Variants in HERC2 observed in about 807,000 individuals in gnomAD.
The protein encoded by HERC2 is HECT and RLD domain containing E3 ubiquitin protein ligase 2, also known as E3 ubiquitin-protein ligase HERC2.
A neutral mutation model predicts 537.7 loss-of-function variants in HERC2; 102 were observed. The observed-to-expected ratio is 0.19, with a 90% CI of 0.16 to 0.22. HERC2 has a LOEUF of 0.22. Ranked by LOEUF, HERC2 falls within the 10% of genes least tolerant of loss-of-function variation. HERC2 has a pLI of 1.00. For missense variants in HERC2, 4,236 were observed against 6,198.2 expected (o/e 0.68, Z 10.63); for synonymous variants, 2,224 against 2,466.2 (o/e 0.90, Z 2.91).
At chr15:28,292,249 A>C (rs1391543716) in intron 4 of HERC2, among the ~76,000 whole-genome samples, 1 of 151,754 alleles carries the variant, frequency 6.6e-6, no homozygotes, top group East Asian at 1.9e-4. Flanking sequence ...AAAAAAAAAA[A>C]AAAACCAGGC....
chr15:28,271,956 G>T, intron 9 of HERC2: 1 of 499,856 alleles, frequency 2.0e-6, no homozygotes, highest in Middle Eastern at 5.1e-4. Context: ...CGCTATTTTC[G>T]TTGTTCTTTT....
rs762466850 is a variant in HERC2 at position 28,113,644 on chromosome 15, G to A, written c.13948C>T (p.Arg4650Trp). The A allele has an allele frequency of 6.8e-6, 11 of 1,614,112 alleles. No homozygotes were observed. Among genetic ancestry groups the A allele is most frequent in the East Asian group, 4.5e-5 (2 of 44,878 alleles). Residue 4650 changes from arginine (R) to tryptophan (W), a missense_variant, in exon 91 of 93, where the codon CGG becomes TGG. Coordinates refer to ENST00000261609, the MANE Select transcript of HERC2 (RefSeq NM_004667.6). This position sits in a 1 kb window ranked among gnomAD's most constrained non-coding sequence, Gnocchi z 7.0. ...GGCACAACGCGGGCCATTCCTTCCC[G>A]AACAGCAGCCACCTGCTCATCAAAT... ...HEFDEQVAAV[R>W]EGMARVVPVP... is the part of the protein sequence containing the mutation.
Position 28,215,818 on chromosome 15 carries a change from T to C in HERC2, c.6029-16A>G, listed in dbSNP as rs987801195. The C allele has an allele frequency of 6.6e-6, 10 of 1,505,094 alleles. No homozygotes were observed. The highest frequency in any genetic ancestry group is 2.3e-4 in the Middle Eastern group (1 of 4,256). The allele number at this position is 1,505,094 out of a possible 1,614,324, so 93.2% of individuals were successfully genotyped here. ...TTTGGAGAAGCTGCAGGAGGGAAAA[T>C]AGACATGCTTGGTAACAAGTCCCTA... On this transcript the variant is annotated splice_polypyrimidine_tract_variant and intron_variant, in intron 38 of 92. Transcript: ENST00000261609.
At chr15:28,156,568 A>G (rs1174305690) in intron 69 of HERC2, among the ~76,000 whole-genome samples, 1 of 152,182 alleles carries the variant, frequency 6.6e-6, no homozygotes, top group Non-Finnish European at 1.5e-5. Context: ...TTATTGATGT[A>G]TAAGAATGCT....
chr15:28,249,409 A>C (rs1904050170), intron 20 of HERC2, among the ~76,000 whole-genome samples: 1 of 152,246 alleles, frequency 6.6e-6, no homozygotes, highest in Non-Finnish European at 1.5e-5. Context: ...TTGAGCCATG[A>C]GCCATTGGAA....
chr15:28,272,710 G>A (rs1277980795), intron 8 of HERC2, among the ~76,000 whole-genome samples, 184 bp downstream of exon 8: 1 of 152,108 alleles, frequency 6.6e-6, no homozygotes, highest in Non-Finnish European at 1.5e-5. Context: ...TCCCAGGCTA[G>A]AACACTGAGC....
At chr15:28,286,984 G>C (rs2076172928) in intron 4 of HERC2, among the ~76,000 whole-genome samples, 4 of 152,178 alleles carry the variant, frequency 2.6e-5, no homozygotes, top group Admixed American at 2.6e-4. Flanking sequence ...AGTGGAGAGA[G>C]CGGTGATAAA....
Position 28,173,831 on chromosome 15 carries a change from C to CA in HERC2, c.10057+563dup, listed in dbSNP as rs574725991. Among the ~76,000 whole-genome samples the CA allele has an allele frequency of 1.2e-4, 17 of 140,896 alleles. No individual in the cohort carries two copies. In the South Asian group the frequency reaches 1.8e-3, roughly 15 times the overall value. 92.4% of individuals were successfully genotyped at this position (140,896 alleles called of 152,430 possible). A position where few individuals can be genotyped will look rare whatever the true frequency, so the allele number is the denominator to read the frequency against. ...AAACCCAACCAAACAACAACAATAA[C>CA]AAAAAGAAAACATGCAAACTGATCT... On this transcript the variant is annotated intron_variant, in intron 65 of 92. Coordinates refer to ENST00000261609, the MANE Select transcript of HERC2 (RefSeq NM_004667.6).
At chr15:28,255,739 A>T in intron 19 of HERC2, 133 bp downstream of exon 19, 1 of 994,968 alleles carries the variant, frequency 1.0e-6, no homozygotes, top group South Asian at 1.8e-5. Context: ...ACATAAAAGA[A>T]TTTTAATTTA....
intron 69 of HERC2, among the ~76,000 whole-genome samples, chr15:28,160,047 G>C (rs1284689442): frequency 6.6e-6 from 1 of 152,192 alleles, no homozygotes; most frequent in Admixed American, 6.5e-5. Context: ...GCAGAACAGC[G>C]AATATTGCTG....
chr15:28,195,065 A>T (rs1191567507), intron 52 of HERC2, among the ~76,000 whole-genome samples: 1 of 149,468 alleles, frequency 6.7e-6, no homozygotes, highest in Non-Finnish European at 1.5e-5. Context: ...CAAAAAAAAA[A>T]AAAATTAAAA....
chr15:28,150,185 C>T (rs1340263684), intron 70 of HERC2, among the ~76,000 whole-genome samples: 1 of 151,936 alleles, frequency 6.6e-6, no homozygotes, highest in Non-Finnish European at 1.5e-5. Context: ...GAAAAAAACG[C>T]ACGCGGCTGC....
chr15:28,242,553 C>T (rs1903237023), intron 23 of HERC2, among the ~76,000 whole-genome samples: 1 of 152,060 alleles, frequency 6.6e-6, no homozygotes, highest in Non-Finnish European at 1.5e-5. Context: ...TTATCAATAA[C>T]AATAAGTTGC....
At chr15:28,193,292 C>G (rs1179675646) in intron 52 of HERC2, among the ~76,000 whole-genome samples, 4 of 151,762 alleles carry the variant, frequency 2.6e-5, no homozygotes, top group Admixed American at 2.0e-4. Flanking sequence ...CAGCAGAGAA[C>G]CAAAAACTAC....
rs1359653621 is a variant in HERC2 at position 28,130,577 on chromosome 15, A to C, written c.12588T>G (p.Gly4196=). 1 of 1,613,572 alleles carries C rather than the reference A, an allele frequency of 6.2e-7. No individual in the cohort carries two copies. Among genetic ancestry groups the C allele is most frequent in the African/African-American group, 1.3e-5 (1 of 74,898 alleles). Residue 4196 remains glycine, a synonymous_variant, in exon 82 of 93, where the codon GGT becomes GGG. Coordinates refer to ENST00000261609, the MANE Select transcript of HERC2 (RefSeq NM_004667.6). Reference sequence around the variant, plus strand: ...CGCATTCCACTTTAACTACTCCAAGACCAGTAAGAGAATCAATCTAGAGGG... The same window carrying C: ...CGCATTCCACTTTAACTACTCCAAGCCCAGTAAGAGAATCAATCTAGAGGG... ...KVPMKIDSLT[G]LGVVKVECGS...
At chr15:28,315,688 G>C (rs1267164921) in intron 2 of HERC2, 12 of 785,700 alleles carry the variant, frequency 1.5e-5, no homozygotes, top group Non-Finnish European at 2.2e-5. Flanking sequence ...GGAAACCTCT[G>C]CGCCATGAGA....
chr15:28,200,876 CAA>C (rs1281103584), intron 48 of HERC2, among the ~76,000 whole-genome samples: 1 of 140,372 alleles, frequency 7.1e-6, no homozygotes, highest in African/African-American at 2.7e-5. Context: ...TATACTAAAA[CAA>C]GAGAATTAGG....
intron 4 of HERC2, among the ~76,000 whole-genome samples, chr15:28,291,074 G>C (rs2076297247): frequency 6.6e-6 from 1 of 152,190 alleles, no homozygotes; most frequent in African/African-American, 2.4e-5. Flanking sequence ...CAAACGGAAA[G>C]AGAGAAAATA....
At chr15:28,203,661 G>C (rs1329186543) in intron 45 of HERC2, 2 of 151,886 alleles carry the variant, frequency 1.3e-5, no homozygotes, top group Non-Finnish European at 2.9e-5. Flanking sequence ...CACAGACGGC[G>C]CACCTTCCTG....
Sources: allele counts gnomAD v4.1 joint callset (sites outside exome capture counted in the v4.1 genomes callset), GRCh38; gene constraint gnomAD v4.1.1; non-coding constraint Gnocchi (gnomAD v3.1); transcripts MANE v1.5; gene names NCBI Gene and HGNC (gene_info 2026-07-23, HGNC 2026-07-21).